The following PACSIN1 variants were observed in gnomAD, a reference collection of about 807,000 sequenced individuals.
PACSIN1 encodes the protein protein kinase C and casein kinase substrate in neurons 1, also known as protein kinase C and casein kinase substrate in neurons protein 1.
A neutral mutation model predicts 59.5 loss-of-function variants in PACSIN1; 15 were observed. The ratio of observed to expected loss-of-function variants is 0.25; its 90% CI spans 0.17 to 0.39. PACSIN1 has a LOEUF of 0.39. Among genes scored for constraint, PACSIN1 ranks in the 10% least tolerant of loss-of-function variants. The probability of loss-of-function intolerance (pLI) is 1.00; values close to 1 mark genes in which losing one functional copy is unlikely to be tolerated. For missense variants in PACSIN1, 420 were observed against 580.2 expected (o/e 0.72, Z 2.84); for synonymous variants, 210 against 220.6 (o/e 0.95, Z 0.42).
intron 1 of PACSIN1, among the ~76,000 whole-genome samples, chr6:34,473,873 A>G (rs1323493188): frequency 2.0e-5 from 3 of 152,210 alleles, no homozygotes; most frequent in African/African-American, 7.2e-5. Flanking sequence ...GACTTTTTCT[A>G]ACACAATCAC....
chr6:34,484,471 G>A (rs1485088299), intron 1 of PACSIN1, among the ~76,000 whole-genome samples: 1 of 152,174 alleles, frequency 6.6e-6, no homozygotes, highest in Admixed American at 6.6e-5. Context: ...TAAACAGGTA[G>A]AAAGCACAGA....
chr6:34,488,032 G>A lies in PACSIN1; in HGVS notation c.-64+21762G>A, dbSNP rs141503909. The stretch of plus-strand genomic sequence containing the variant: ...GGTCAGTGAGATAAGCCACAGTCCC[G>A]CTGCTGCAGCAGGACTCTGGGCCAC... On this transcript the variant is annotated intron_variant, in intron 1 of 9. Transcript: ENST00000244458. The surrounding 1 kb of genome is among the most constrained non-coding windows in gnomAD (Gnocchi z 4.7). Among the ~76,000 whole-genome samples, 25 of 152,208 alleles carry A rather than the reference G, an allele frequency of 1.6e-4. No individual in the cohort carries two copies. Among genetic ancestry groups the A allele is most frequent in the East Asian group, 5.8e-4 (3 of 5,182 alleles).
intron 1 of PACSIN1, among the ~76,000 whole-genome samples, chr6:34,475,285 A>G (rs1766623280): frequency 6.7e-6 from 1 of 150,254 alleles, no homozygotes; most frequent in Non-Finnish European, 1.5e-5. Context: ...TAGCTCCTCT[A>G]CTTTCAATGT....
At position 34,532,347 on chromosome 6, in the gene PACSIN1, G is replaced by T. The variant is rs959695531; in HGVS notation, c.1226-74G>T. ...GTAATCAGGAGGTGGGTATTGGAGG[G>T]TTCCCCTAGCAGCCGGTGCGTTGAG... On this transcript the variant is annotated intron_variant, in intron 9 of 9. Transcript: ENST00000244458. The surrounding 1 kb of genome is among the most constrained non-coding windows in gnomAD (Gnocchi z 5.2). The T allele has an allele frequency of 1.0e-4, 102 of 1,012,980 alleles. No homozygotes were observed. The highest frequency in any genetic ancestry group is 2.1e-4 in the African/African-American group (13 of 62,684). The allele number at this position is 1,012,980 out of a possible 1,614,324, so 62.7% of individuals were successfully genotyped here.
At chr6:34,496,941 C>CTTTTTTTT (rs11464603) in intron 1 of PACSIN1, among the ~76,000 whole-genome samples, 1 of 100,806 alleles carries the variant, frequency 9.9e-6, no homozygotes, top group Non-Finnish European at 1.8e-5. Flanking sequence ...CTCTCTCTCT[C>CTTTTTTTT]TTTTTTTTTT....
Position 34,530,401 on chromosome 6 carries a change from G to T in PACSIN1, c.909+38G>T. 6.2e-7 allele frequency: 1 copy of T among 1,608,030 alleles called. No homozygotes were observed. Among genetic ancestry groups the T allele is most frequent in the Non-Finnish European group, 8.5e-7 (1 of 1,175,554 alleles). ...GGGGATGGGAAGGGGAGCCTGAAGA[G>T]GCTGAAAGGTGCCTCAGGGCATAGT... On this transcript the variant is annotated intron_variant, in intron 7 of 9. Coordinates refer to ENST00000244458, the MANE Select transcript of PACSIN1 (RefSeq NM_020804.5). The surrounding 1 kb of genome is among the most constrained non-coding windows in gnomAD (Gnocchi z 4.4).
At chr6:34,480,419 G>T (rs138278928) in intron 1 of PACSIN1, among the ~76,000 whole-genome samples, 11 of 149,614 alleles carry the variant, frequency 7.4e-5, no homozygotes, top group African/African-American at 2.7e-4. Flanking sequence ...GAGATGGGGC[G>T]CTCCCTATTT....
intron 1 of PACSIN1, among the ~76,000 whole-genome samples, chr6:34,479,249 TA>T (rs151070233): frequency 1.3e-5 from 2 of 151,334 alleles, no homozygotes; most frequent in Non-Finnish European, 2.9e-5. Context: ...ATCATGTAGG[TA>T]AAAAAAAATC....
At chr6:34,498,352 G>A (rs553485136) in intron 1 of PACSIN1, among the ~76,000 whole-genome samples, 9 of 152,188 alleles carry the variant, frequency 5.9e-5, no homozygotes, top group East Asian at 5.8e-4. Flanking sequence ...GAGCCACCGC[G>A]CCCGGCCCTT....
intron 1 of PACSIN1, among the ~76,000 whole-genome samples, chr6:34,508,879 C>G (rs752273402): frequency 1.7e-4 from 26 of 152,078 alleles, no homozygotes; most frequent in Non-Finnish European, 2.9e-4. Context: ...TTTAAGCTAT[C>G]CAGTTATAGG....
intron 1 of PACSIN1, among the ~76,000 whole-genome samples, chr6:34,502,166 C>G (rs1212693081): frequency 2.0e-5 from 3 of 152,094 alleles, no homozygotes; most frequent in Non-Finnish European, 2.9e-5. Context: ...CAGCGTTTTC[C>G]ACAGTGACAC....
intron 1 of PACSIN1, among the ~76,000 whole-genome samples, chr6:34,499,750 G>A (rs111968313): frequency 0.011 from 1,639 of 151,682 alleles, 25 homozygotes; most frequent in African/African-American, 0.035. Context: ...GAGCTGAGAC[G>A]GTGCCACTGC....
At position 34,529,718 on chromosome 6, in the gene PACSIN1, A is replaced by T. The variant is rs770520322; in HGVS notation, c.665A>T (p.Gln222Leu). 1.9e-6 allele frequency: 3 copies of T among 1,614,188 alleles called. No homozygotes were observed. Among genetic ancestry groups the T allele is most frequent in the South Asian group, 2.2e-5 (2 of 91,080 alleles). The part of the protein sequence containing the change: ...VLEDVGKTTP[Q>L]YMENMEQVFE... Reference sequence around the variant, plus strand: ...GAAGATGTGGGCAAGACCACACCCCAGTACATGGAGAACATGGAGCAGGTG... The same window carrying T: ...GAAGATGTGGGCAAGACCACACCCCTGTACATGGAGAACATGGAGCAGGTG... The change falls in exon 6 of 10, where the codon CAG becomes CTG. Residue 222 changes from glutamine (Q) to leucine (L), a missense_variant. By Grantham distance (113) the Gln-to-Leu change is moderately radical (BLOSUM62 -2). Coordinates refer to ENST00000244458, the MANE Select transcript of PACSIN1 (RefSeq NM_020804.5). The surrounding 1 kb of genome is among the most constrained non-coding windows in gnomAD (Gnocchi z 6.3).
chr6:34,472,428 T>C lies in PACSIN1; in HGVS notation c.-64+6158T>C, dbSNP rs1183150436. ...GAGCTTGCCTCTGGGCTGAGGCCTA[T>C]CGCAGGGATCTGGAGGGAGAATGCG... On this transcript the variant is annotated intron_variant, in intron 1 of 9. Transcript: ENST00000244458. 2.0e-5 allele frequency among the ~76,000 whole-genome samples: 3 copies of C among 152,174 alleles called. No homozygotes were observed. The East Asian group carries it at 5.8e-4, about 29-fold the overall frequency.
intron 1 of PACSIN1, among the ~76,000 whole-genome samples, chr6:34,498,130 C>T (rs1016400940): frequency 5.3e-5 from 8 of 152,090 alleles, no homozygotes; most frequent in Non-Finnish European, 8.8e-5. Context: ...GGCACGATCT[C>T]GGCTCATTGC....
intron 1 of PACSIN1, among the ~76,000 whole-genome samples, chr6:34,509,859 A>G (rs1767171943): frequency 6.6e-6 from 1 of 152,096 alleles, no homozygotes; most frequent in African/African-American, 2.4e-5. Flanking sequence ...TTTTTTTCAG[A>G]AATTCAGAAA....
intron 1 of PACSIN1, among the ~76,000 whole-genome samples, chr6:34,466,743 C>T (rs976596309): frequency 6.6e-6 from 1 of 152,174 alleles, no homozygotes; most frequent in Non-Finnish European, 1.5e-5. Context: ...TCCCCTACCC[C>T]TTCCCCCACA....
At chr6:34,508,589 C>G (rs28790108) in intron 1 of PACSIN1, among the ~76,000 whole-genome samples, 1 of 152,090 alleles carries the variant, frequency 6.6e-6, no homozygotes, top group South Asian at 2.1e-4. Flanking sequence ...TTTGAAAAAC[C>G]TTTTTACTGT....
At chr6:34,520,530 AAGTTATCTAACTTCTCTGAGTCT>A (rs1278351453) in intron 1 of PACSIN1, among the ~76,000 whole-genome samples, 3 of 152,156 alleles carry the variant, frequency 2.0e-5, no homozygotes, top group Non-Finnish European at 4.4e-5. Context: ...GACCTTGGAC[AAGTTATCTAACTTCTCTGAGTCT>A]CAGGTACTCA....
Sources: gnomAD v4.1 joint callset for allele counts (sites outside exome capture counted in the v4.1 genomes callset) on GRCh38, gnomAD v4.1.1 for gene constraint, Gnocchi (gnomAD v3.1) non-coding constraint, MANE v1.5 for transcripts, NCBI Gene and HGNC (gene_info 2026-07-23, HGNC 2026-07-21) for gene names.